Variants in PRDM1 observed in about 807,000 individuals in gnomAD.
PRDM1 encodes the protein PR domain zinc finger protein 1.
PRDM1 carries 13 observed loss-of-function variants against 62.8 expected under a neutral mutation model. The observed-to-expected ratio is 0.21, with a 90% CI of 0.13 to 0.33. PRDM1 has a LOEUF of 0.33. PRDM1 is among the 10% of genes least tolerant of loss of function. PRDM1 has a pLI of 1.00. For synonymous variants in PRDM1, 396 were observed against 417.6 expected (o/e 0.95, Z 0.63); for missense variants, 895 against 1,058.8 (o/e 0.85, Z 2.15).
intron 2 of PRDM1, among the ~76,000 whole-genome samples, chr6:106,092,351 G>A (rs1306711553): frequency 6.6e-6 from 1 of 152,164 alleles, no homozygotes; most frequent in Non-Finnish European, 1.5e-5. Flanking sequence ...GGAGGGGTCT[G>A]CACCGCACAT....
At chr6:106,096,397 T>G (rs1480581567) in intron 3 of PRDM1, among the ~76,000 whole-genome samples, 1 of 152,130 alleles carries the variant, frequency 6.6e-6, no homozygotes, top group African/African-American at 2.4e-5. Context: ...CCGCCCACCT[T>G]GGCCTCCCAA....
intron 1 of PRDM1, among the ~76,000 whole-genome samples, chr6:106,067,810 A>T (rs539760866): frequency 2.0e-5 from 3 of 152,188 alleles, no homozygotes; most frequent in Non-Finnish European, 4.4e-5. Context: ...GTTGCATAAC[A>T]GTGTAAATGT....
At chr6:105,996,739 G>A (rs1254289389) in intron 1 of PRDM1, among the ~76,000 whole-genome samples, 1 of 152,184 alleles carries the variant, frequency 6.6e-6, no homozygotes, top group East Asian at 1.9e-4. Flanking sequence ...ATTACAAAGT[G>A]AGGTCTGTCT....
At chr6:106,041,134 T>C (rs887535557) in intron 1 of PRDM1, among the ~76,000 whole-genome samples, 1 of 152,250 alleles carries the variant, frequency 6.6e-6, no homozygotes, top group African/African-American at 2.4e-5. Flanking sequence ...TTTCTTGTGT[T>C]CAATTCTGTT....
At chr6:106,098,070 C>A in intron 3 of PRDM1, 1 of 339,928 alleles carries the variant, frequency 2.9e-6, no homozygotes, top group Non-Finnish European at 4.2e-6. Flanking sequence ...AACGTTTGAG[C>A]GAAATACAGA....
At chr6:106,099,763 G>A in intron 4 of PRDM1, 1 of 593,118 alleles carries the variant, frequency 1.7e-6, no homozygotes, top group Non-Finnish European at 2.8e-6. Context: ...ATATATATGA[G>A]GAGCTACCTT....
intron 1 of PRDM1, among the ~76,000 whole-genome samples, chr6:106,073,315 A>G (rs1773551365): frequency 6.6e-6 from 1 of 151,998 alleles, no homozygotes; most frequent in African/African-American, 2.4e-5. Context: ...AGGTTTCACT[A>G]TGTTGGCTAG....
intron 1 of PRDM1, among the ~76,000 whole-genome samples, chr6:106,070,607 G>T (rs148268639): frequency 7.9e-5 from 12 of 152,082 alleles, no homozygotes; most frequent in African/African-American, 2.2e-4. Flanking sequence ...AATCTCTAAG[G>T]CTCTTGGTAT....
At chr6:105,996,923 A>G (rs1000707882) in intron 1 of PRDM1, among the ~76,000 whole-genome samples, 3 of 152,214 alleles carry the variant, frequency 2.0e-5, no homozygotes, top group Admixed American at 2.0e-4. Context: ...TGCCACATTG[A>G]AATAAATAAG....
intron 1 of PRDM1, among the ~76,000 whole-genome samples, chr6:106,036,423 G>A (rs540853664): frequency 1.3e-4 from 20 of 152,050 alleles, no homozygotes; most frequent in Admixed American, 7.9e-4. Flanking sequence ...TGTATATTCC[G>A]TAACTATTTA....
chr6:106,086,813 T>A (rs910822018), intron 1 of PRDM1, among the ~76,000 whole-genome samples: 1 of 152,138 alleles, frequency 6.6e-6, no homozygotes, highest in Non-Finnish European at 1.5e-5. Context: ...TCATTGAAAT[T>A]TCAGTAGTGG....
At chr6:106,011,842 C>G in intron 1 of PRDM1, among the ~76,000 whole-genome samples, 1 of 151,900 alleles carries the variant, frequency 6.6e-6, no homozygotes, top group East Asian at 1.9e-4. Flanking sequence ...ACACACATGC[C>G]ACACGCAAAC....
chr6:105,994,017 G>C lies in PRDM1; in HGVS notation c.-67+378G>C, dbSNP rs1772316500. Among the ~76,000 whole-genome samples, 1 of 152,234 alleles carries C rather than the reference G, an allele frequency of 6.6e-6. No individual in the cohort carries two copies. The highest frequency in any genetic ancestry group is 2.1e-4 in the South Asian group (1 of 4,834). The stretch of plus-strand genomic sequence containing the variant: ...TTTTCCTAATTTATGAAACGTGAAC[G>C]GGGGTAAGGTATTTATTTGTACGCT... On this transcript the variant is annotated intron_variant, in intron 1 of 6. Coordinates refer to the PRDM1 transcript ENST00000652320. This position sits in a 1 kb window ranked among gnomAD's most constrained non-coding sequence, Gnocchi z 4.1.
intron 1 of PRDM1, 50 bp downstream of exon 1, chr6:106,086,645 TTTA>T (rs1773816309): frequency 6.9e-7 from 1 of 1,456,946 alleles, no homozygotes; most frequent in Non-Finnish European, 9.4e-7. Context: ...ATCTGAAAAC[TTTA>T]TTTTCTTTTC....
intron 1 of PRDM1, among the ~76,000 whole-genome samples, chr6:106,001,202 C>A (rs1772420255): frequency 6.6e-6 from 1 of 152,124 alleles, no homozygotes; most frequent in African/African-American, 2.4e-5. Context: ...TGTTCTTATC[C>A]TTTGCTCATT....
chr6:106,032,232 C>G (rs895865832), intron 1 of PRDM1, among the ~76,000 whole-genome samples: 1 of 152,150 alleles, frequency 6.6e-6, no homozygotes, highest in African/African-American at 2.4e-5. Flanking sequence ...GGTACAATCA[C>G]AGTTCACTGC....
intron 1 of PRDM1, among the ~76,000 whole-genome samples, chr6:106,064,776 T>C (rs6931248): frequency 0.12 from 17,843 of 152,150 alleles, 1,546 homozygotes; most frequent in African/African-American, 0.25. Context: ...TTTCTGGGGA[T>C]AGGGTGGGAG....
chr6:106,036,158 G>GT (rs1772923042), intron 1 of PRDM1, among the ~76,000 whole-genome samples: 1 of 151,814 alleles, frequency 6.6e-6, no homozygotes, highest in African/African-American at 2.4e-5. Flanking sequence ...GTTGTTTTTT[G>GT]TTTTTTGTGA....
At chr6:106,073,098 C>G (rs1773545293) in intron 1 of PRDM1, among the ~76,000 whole-genome samples, 1 of 148,592 alleles carries the variant, frequency 6.7e-6, no homozygotes, top group Admixed American at 6.7e-5. Context: ...TCTCAATTTC[C>G]TCTTTTCTTT....
Sources: allele counts gnomAD v4.1 joint callset (sites outside exome capture counted in the v4.1 genomes callset), GRCh38; gene constraint gnomAD v4.1.1; non-coding constraint Gnocchi (gnomAD v3.1); transcripts MANE v1.5; gene names NCBI Gene and HGNC (gene_info 2026-07-23, HGNC 2026-07-21).